The following AFG2A variants were observed in gnomAD, a reference collection of about 807,000 sequenced individuals.
AFG2A encodes AAA ATPase AFG2A.
chr4:123,079,884 G>T, the AFG2A span, among the ~76,000 whole-genome samples: 2 of 151,048 alleles, frequency 1.3e-5, no homozygotes, highest in Non-Finnish European at 2.9e-5. Flanking sequence ...CGAGTAGCTG[G>T]GACTACAGGC....
the AFG2A span, chr4:123,314,041 A>C: frequency 6.2e-7 from 1 of 1,607,244 alleles, no homozygotes; most frequent in Non-Finnish European, 8.5e-7. Flanking sequence ...TTATCAAGAG[A>C]AGAGTGGGCT....
chr4:122,981,892 CT>C, the AFG2A span, among the ~76,000 whole-genome samples: 558 of 145,434 alleles, frequency 3.8e-3, 3 homozygotes, highest in Middle Eastern at 0.014. Flanking sequence ...TGGTTTTAAT[CT>C]TTTTTTTTTG....
the AFG2A span, among the ~76,000 whole-genome samples, chr4:123,271,635 T>A: frequency 6.6e-6 from 1 of 152,194 alleles, no homozygotes; most frequent in Non-Finnish European, 1.5e-5. Context: ...GCTTGTAGGA[T>A]GTTTATTCCT....
chr4:123,153,160 GGCTCACC>G, the AFG2A span, among the ~76,000 whole-genome samples: 1 of 152,132 alleles, frequency 6.6e-6, no homozygotes, highest in Non-Finnish European at 1.5e-5. Context: ...TGTCCACAGT[GGCTCACC>G]TATGTGTCTG....
chr4:123,014,346 C>CA, the AFG2A span, among the ~76,000 whole-genome samples: 1 of 152,086 alleles, frequency 6.6e-6, no homozygotes, highest in Admixed American at 6.5e-5. Flanking sequence ...ATGCTGTTGT[C>CA]ATATCTGAGT....
chr4:123,178,668 G>A, the AFG2A span, among the ~76,000 whole-genome samples: 1 of 152,146 alleles, frequency 6.6e-6, no homozygotes, highest in African/African-American at 2.4e-5. Flanking sequence ...GTTCTATGTA[G>A]ATAGGATTAA....
chr4:123,059,867 T>G, the AFG2A span, among the ~76,000 whole-genome samples: 2 of 152,108 alleles, frequency 1.3e-5, no homozygotes, highest in African/African-American at 2.4e-5. Flanking sequence ...GAGATGGTAT[T>G]TCATTGTGGT....
chr4:123,239,001 T>C, the AFG2A span, among the ~76,000 whole-genome samples: 2 of 152,112 alleles, frequency 1.3e-5, no homozygotes, highest in African/African-American at 4.8e-5. Context: ...AATGACCTGA[T>C]GGAGCTGAAA....
At chr4:123,129,991 C>A in the AFG2A span, among the ~76,000 whole-genome samples, 92 of 151,906 alleles carry the variant, frequency 6.1e-4, no homozygotes, top group African/African-American at 2.1e-3. Flanking sequence ...TAGCTGGTAA[C>A]TGTTATGTGA....
the AFG2A span, among the ~76,000 whole-genome samples, chr4:123,223,143 G>T: frequency 6.6e-6 from 1 of 152,094 alleles, no homozygotes; most frequent in Admixed American, 6.6e-5. Flanking sequence ...GCATCATTTT[G>T]CAGTCTCATC....
chr4:123,013,562 C>T, the AFG2A span, among the ~76,000 whole-genome samples: 1 of 152,096 alleles, frequency 6.6e-6, no homozygotes, highest in Non-Finnish European at 1.5e-5. Flanking sequence ...CACATGGACA[C>T]AGGGAGGGAA....
the AFG2A span, among the ~76,000 whole-genome samples, chr4:122,938,682 C>A: frequency 1.3e-5 from 2 of 152,180 alleles, no homozygotes; most frequent in South Asian, 4.1e-4. Context: ...CCTCCACCTT[C>A]CAGGTTCAAG....
the AFG2A span, among the ~76,000 whole-genome samples, chr4:123,277,844 G>A: frequency 6.6e-6 from 1 of 152,146 alleles, no homozygotes; most frequent in African/African-American, 2.4e-5. Context: ...TGGTGGATTT[G>A]CTTTTTCTTG....
chr4:123,066,418 G>GAC, the AFG2A span, among the ~76,000 whole-genome samples: 3 of 152,110 alleles, frequency 2.0e-5, no homozygotes, highest in African/African-American at 7.2e-5. Context: ...AAATGGAAAA[G>GAC]TTCTTAGAAG....
chr4:123,223,518 C>T, the AFG2A span, among the ~76,000 whole-genome samples: 1 of 152,124 alleles, frequency 6.6e-6, no homozygotes, highest in Non-Finnish European at 1.5e-5. Flanking sequence ...CAGGAAACTT[C>T]CAATCATGGC....
At chr4:123,218,757 A>G in the AFG2A span, among the ~76,000 whole-genome samples, 1 of 152,118 alleles carries the variant, frequency 6.6e-6, no homozygotes, top group Admixed American at 6.5e-5. Flanking sequence ...TGCTATAGCT[A>G]TTTACAAAGT....
chr4:123,101,550 T>G, the AFG2A span, among the ~76,000 whole-genome samples: 1 of 151,958 alleles, frequency 6.6e-6, no homozygotes, highest in African/African-American at 2.4e-5. Context: ...TGCTGAAATA[T>G]GTACTTAATT....
chr4:123,215,204 C>A, the AFG2A span, among the ~76,000 whole-genome samples: 1 of 152,008 alleles, frequency 6.6e-6, no homozygotes, highest in African/African-American at 2.4e-5. Flanking sequence ...TTTTTTAAAC[C>A]CAGTCTAGAG....
At chr4:123,231,178 A>C in the AFG2A span, among the ~76,000 whole-genome samples, 2 of 152,042 alleles carry the variant, frequency 1.3e-5, no homozygotes, top group Non-Finnish European at 2.9e-5. Flanking sequence ...TGAAAGTCCT[A>C]GATGACATCT....
Sources: gnomAD v4.1 joint callset for allele counts (sites outside exome capture counted in the v4.1 genomes callset) on GRCh38, gnomAD v4.1.1 for gene constraint, MANE v1.5 for transcripts, NCBI Gene and HGNC (gene_info 2026-07-23, HGNC 2026-07-21) for gene names.